Variants in NT5DC3 observed in about 807,000 individuals in gnomAD.
The protein encoded by NT5DC3 is 5'-nucleotidase domain containing 3.
NT5DC3 carries 42 observed loss-of-function variants against 67.8 expected under a neutral mutation model. The observed-to-expected ratio is 0.62, with a 90% confidence interval of 0.48 to 0.80. The LOEUF is 0.80. Ranked by LOEUF, NT5DC3 falls within the 30% of genes least tolerant of loss-of-function variation. NT5DC3 has a pLI of 0.00. For synonymous variants in NT5DC3, 237 were observed against 255.6 expected, an observed-to-expected ratio of 0.93 and a Z score of 0.69; for missense variants, 570 against 696.4, an observed-to-expected ratio of 0.82 and a Z score of 2.04.
At chr12:103,752,161 T>C in the NT5DC3 span, among the ~76,000 whole-genome samples, 1 of 152,232 alleles carries the variant, frequency 6.6e-6, no homozygotes, top group African/African-American at 2.4e-5. Context: ...CCCACCATTA[T>C]TTAACATCAC....
At chr12:103,762,270 T>G in the NT5DC3 span, 1 of 1,614,086 alleles carries the variant, frequency 6.2e-7, no homozygotes, top group Admixed American at 1.7e-5. Flanking sequence ...TTCTTTGTGT[T>G]CAGACCTTGA....
intron 1 of NT5DC3, 128 bp downstream of exon 1, chr12:103,840,821 A>C: frequency 9.1e-5 from 35 of 384,286 alleles, no homozygotes; most frequent in South Asian, 9.8e-5. Flanking sequence ...GGGTGTGGGC[A>C]CCGGGGTTCG....
At chr12:103,749,841 C>CCAAAAAA in the NT5DC3 span, among the ~76,000 whole-genome samples, 7 of 51,152 alleles carry the variant, frequency 1.4e-4, no homozygotes, top group East Asian at 4.4e-3. Context: ...CTCTGTCTCA[C>CCAAAAAA]AAAAAAAAAA....
At chr12:103,830,335 T>G (rs1416411806) in intron 1 of NT5DC3, among the ~76,000 whole-genome samples, 1 of 152,218 alleles carries the variant, frequency 6.6e-6, no homozygotes, top group Non-Finnish European at 1.5e-5. Flanking sequence ...TTTTATGATA[T>G]TCTCTTTGTC....
chr12:103,763,851 G>A, the NT5DC3 span: 3 of 371,450 alleles, frequency 8.1e-6, no homozygotes, highest in Admixed American at 8.7e-5. Flanking sequence ...AGAACAAGAG[G>A]TTGTTATCCA....
chr12:103,839,211 T>C (rs1305856390), intron 1 of NT5DC3, among the ~76,000 whole-genome samples: 5 of 152,202 alleles, frequency 3.3e-5, no homozygotes, highest in Non-Finnish European at 5.9e-5. Context: ...CTGGGAGAAA[T>C]TGGATAAAGT....
chr12:103,819,182 A>G (rs1035434121), intron 1 of NT5DC3, among the ~76,000 whole-genome samples: 6 of 152,208 alleles, frequency 3.9e-5, no homozygotes, highest in African/African-American at 1.2e-4. Flanking sequence ...ACATCACATG[A>G]CACCATCACC....
chr12:103,754,083 A>G, the NT5DC3 span, among the ~76,000 whole-genome samples: 1,508 of 152,246 alleles, frequency 9.9e-3, 47 homozygotes, highest in East Asian at 0.097. Flanking sequence ...CCTAGTACGT[A>G]TGATTTTAAA....
chr12:103,819,889 TTTC>T lies in NT5DC3; in HGVS notation c.209-4771_209-4769del, dbSNP rs565454109. Among the ~76,000 whole-genome samples the T allele has an allele frequency of 3.2e-3, 492 of 152,304 alleles. 5 individuals carry two copies. The highest frequency in any genetic ancestry group is 0.011 in the African/African-American group (470 of 41,548). On this transcript the variant is annotated intron_variant, in intron 1 of 13. Coordinates refer to ENST00000392876, the MANE Select transcript of NT5DC3 (RefSeq NM_001031701.3). The stretch of plus-strand genomic sequence containing the variant: ...CACCACCATCCAGCTCCAGAATTCT[TTTC>T]TTCTTGCAAAACTGAAACTCTGTAC...
At chr12:103,795,042 G>A (rs1347944218) in intron 6 of NT5DC3, among the ~76,000 whole-genome samples, 1 of 152,204 alleles carries the variant, frequency 6.6e-6, no homozygotes, top group Admixed American at 6.5e-5. Context: ...GTTGCTGGGA[G>A]ATTTCTGTTA....
At chr12:103,746,689 G>A in the NT5DC3 span, 11 of 1,613,736 alleles carry the variant, frequency 6.8e-6, no homozygotes, top group Admixed American at 3.3e-5. Flanking sequence ...TGAAGGTGAC[G>A]GAATCACATG....
chr12:103,751,292 G>C, the NT5DC3 span, among the ~76,000 whole-genome samples: 1 of 152,164 alleles, frequency 6.6e-6, no homozygotes, highest in African/African-American at 2.4e-5. Flanking sequence ...GGCCAGGAGA[G>C]AATGATCAAG....
chr12:103,760,139 A>T, the NT5DC3 span, among the ~76,000 whole-genome samples: 1 of 152,176 alleles, frequency 6.6e-6, no homozygotes, highest in Non-Finnish European at 1.5e-5. Flanking sequence ...GCACTTTCTC[A>T]TGGGAAATTG....
chr12:103,762,267 T>G, the NT5DC3 span: 1 of 1,613,584 alleles, frequency 6.2e-7, no homozygotes, highest in Non-Finnish European at 8.5e-7. Context: ...CCTTTCTTTG[T>G]GTTCAGACCT....
chr12:103,746,799 C>T, the NT5DC3 span: 3 of 1,205,728 alleles, frequency 2.5e-6, no homozygotes, highest in East Asian at 2.4e-5. Flanking sequence ...AGCCCTCCTT[C>T]CTGTCTGGGC....
At chr12:103,767,544 T>C (rs144362951), downstream of NT5DC3, among the ~76,000 whole-genome samples, 358 of 152,328 alleles carry the variant, frequency 2.4e-3, 1 homozygote, top group African/African-American at 7.8e-3. Context: ...AATTTCATGG[T>C]ATGCTGTTTG....
At chr12:103,754,864 T>G in the NT5DC3 span, among the ~76,000 whole-genome samples, 1 of 151,064 alleles carries the variant, frequency 6.6e-6, no homozygotes, top group African/African-American at 2.4e-5. Flanking sequence ...GAGAATTGCT[T>G]AAACTTGGGA....
chr12:103,748,896 A>C, the NT5DC3 span: 1 of 1,542,564 alleles, frequency 6.5e-7, no homozygotes. Flanking sequence ...GGTGCCCCAT[A>C]CCCTGACCTG....
At chr12:103,820,634 G>T (rs1449184032) in intron 1 of NT5DC3, among the ~76,000 whole-genome samples, 1 of 152,128 alleles carries the variant, frequency 6.6e-6, no homozygotes, top group Non-Finnish European at 1.5e-5. Context: ...GCAGTGTGTG[G>T]AGACAACACC....
Sources: allele counts gnomAD v4.1 joint callset (sites outside exome capture counted in the v4.1 genomes callset), GRCh38; gene constraint gnomAD v4.1.1; transcripts MANE v1.5; gene names NCBI Gene and HGNC (gene_info 2026-07-23, HGNC 2026-07-21).